The following GALK2 variants were observed in gnomAD, a reference collection of about 807,000 sequenced individuals.
GALK2 encodes N-acetylgalactosamine kinase.
A neutral mutation model predicts 52.4 loss-of-function variants in GALK2; 36 were observed. The ratio of observed to expected loss-of-function variants is 0.69; its 90% CI spans 0.53 to 0.91. GALK2 has a LOEUF of 0.91. GALK2 is among the 40% of genes least tolerant of loss of function. The probability of loss-of-function intolerance (pLI) is 0.00; values close to 1 mark genes in which losing one functional copy is unlikely to be tolerated. For missense variants in GALK2, 579 were observed against 559.1 expected, an observed-to-expected ratio of 1.04 and a Z score of -0.36; for synonymous variants, 176 against 199.1, an observed-to-expected ratio of 0.88 and a Z score of 0.98.
chr15:49,211,678 G>A (rs964249124), intron 2 of GALK2, among the ~76,000 whole-genome samples: 10 of 152,310 alleles, frequency 6.6e-5, no homozygotes, highest in African/African-American at 2.4e-4. Flanking sequence ...TTACAAGCAT[G>A]GTGGAAGACA....
At chr15:49,278,654 GGT>G (rs1452806592) in intron 5 of GALK2, among the ~76,000 whole-genome samples, 3 of 152,168 alleles carry the variant, frequency 2.0e-5, no homozygotes, top group Non-Finnish European at 4.4e-5. Flanking sequence ...ATATGGTGGT[GGT>G]TAAGATTATG....
chr15:49,303,242 G>T (rs2035264137), intron 8 of GALK2, among the ~76,000 whole-genome samples: 1 of 152,102 alleles, frequency 6.6e-6, no homozygotes, highest in African/African-American at 2.4e-5. Context: ...CCTATTCATT[G>T]GTTCACCTTC....
chr15:49,168,312 T>A (rs2084889562), upstream of GALK2, among the ~76,000 whole-genome samples: 1 of 152,266 alleles, frequency 6.6e-6, no homozygotes, highest in Non-Finnish European at 1.5e-5. Flanking sequence ...ACAGTCATTT[T>A]TTTTTAACCC....
exon 4 of GALK2, chr15:49,367,687 T>TTTTA: frequency 1.5e-6 from 2 of 1,290,326 alleles, no homozygotes; most frequent in Non-Finnish European, 2.1e-6. Flanking sequence ...TAACTTCATA[T>TTTTA]TTAGCATAAA....
intron 1 of GALK2, among the ~76,000 whole-genome samples, chr15:49,159,437 C>T (rs2084569433): frequency 1.3e-5 from 2 of 151,848 alleles, no homozygotes; most frequent in Non-Finnish European, 2.9e-5. Flanking sequence ...AAAAATTATC[C>T]AGGCATGGTG....
chr15:49,196,318 G>A (rs2087229227), intron 1 of GALK2, among the ~76,000 whole-genome samples: 1 of 152,028 alleles, frequency 6.6e-6, no homozygotes, highest in South Asian at 2.1e-4. Context: ...TTTATGAGTA[G>A]AGCTTTTAAT....
chr15:49,321,595 GTTATC>G (rs2036876871), intron 9 of GALK2, among the ~76,000 whole-genome samples: 1 of 152,128 alleles, frequency 6.6e-6, no homozygotes, highest in Non-Finnish European at 1.5e-5. Context: ...GTAGGTAAGA[GTTATC>G]TTAGAGTACC....
chr15:49,157,639 G>A (rs1036560157), intron 1 of GALK2, among the ~76,000 whole-genome samples: 10 of 152,094 alleles, frequency 6.6e-5, no homozygotes, highest in African/African-American at 2.4e-4. Context: ...AAAAAACCAT[G>A]GTAAATGAAA....
chr15:49,280,285 G>C (rs1425032150), intron 5 of GALK2, among the ~76,000 whole-genome samples: 2 of 152,336 alleles, frequency 1.3e-5, no homozygotes, highest in African/African-American at 4.8e-5. Context: ...CTGAGGAGGA[G>C]TTATGTGGTA....
At chr15:49,170,194 G>GAA, upstream of GALK2, 2 of 1,487,598 alleles carry the variant, frequency 1.3e-6, no homozygotes, top group Non-Finnish European at 1.8e-6. Flanking sequence ...CGAAGCTGCA[G>GAA]GATTTCCGCA....
chr15:49,366,718 G>A (rs2045267305), intron 3 of GALK2: 8 of 1,205,628 alleles, frequency 6.6e-6, no homozygotes, highest in South Asian at 2.4e-5. Context: ...GTGGCGCGGC[G>A]CGGCTCACTA....
chr15:49,267,921 C>A (rs2092411634), intron 5 of GALK2, among the ~76,000 whole-genome samples: 1 of 151,940 alleles, frequency 6.6e-6, no homozygotes, highest in Non-Finnish European at 1.5e-5. Flanking sequence ...CTGAATGAAG[C>A]AAAAGAAAGT....
intron 8 of GALK2, among the ~76,000 whole-genome samples, chr15:49,315,379 C>A (rs1181280132): frequency 2.6e-5 from 4 of 152,154 alleles, no homozygotes; most frequent in Non-Finnish European, 5.9e-5. Context: ...TTATAGACAG[C>A]TGGAACATCC....
At chr15:49,242,758 G>T (rs1021062067) in intron 5 of GALK2, among the ~76,000 whole-genome samples, 1 of 152,188 alleles carries the variant, frequency 6.6e-6, no homozygotes, top group Non-Finnish European at 1.5e-5. Context: ...TGGTACAAGA[G>T]AGTATGATGT....
intron 5 of GALK2, among the ~76,000 whole-genome samples, chr15:49,258,055 G>T (rs2141602599): frequency 6.6e-6 from 1 of 151,708 alleles, no homozygotes; most frequent in East Asian, 1.9e-4. Context: ...AGTATTGTGA[G>T]GAAAATAAAA....
At chr15:49,206,954 A>G (rs1412355712) in intron 2 of GALK2, among the ~76,000 whole-genome samples, 1 of 152,040 alleles carries the variant, frequency 6.6e-6, no homozygotes, top group Non-Finnish European at 1.5e-5. Flanking sequence ...ACCTCATTCA[A>G]TATTATGTTG....
intron 2 of GALK2, among the ~76,000 whole-genome samples, chr15:49,208,257 T>G (rs1595670040): frequency 6.6e-6 from 1 of 152,250 alleles, no homozygotes; most frequent in East Asian, 1.9e-4. Flanking sequence ...TGTCTGTTTG[T>G]GCTCTTTCAG....
chr15:49,289,779 C>T (rs989922623), intron 7 of GALK2, among the ~76,000 whole-genome samples: 1 of 152,078 alleles, frequency 6.6e-6, no homozygotes, highest in African/African-American at 2.4e-5. Flanking sequence ...GATCACCTTC[C>T]CCTCAAATTC....
upstream of GALK2, among the ~76,000 whole-genome samples, chr15:49,166,504 A>G (rs898836491): frequency 5.3e-5 from 8 of 152,192 alleles, no homozygotes; most frequent in African/African-American, 1.9e-4. Flanking sequence ...GGATGGCCTC[A>G]GTTCAGGAGT....
Sources: allele counts gnomAD v4.1 joint callset (sites outside exome capture counted in the v4.1 genomes callset), GRCh38; gene constraint gnomAD v4.1.1; transcripts MANE v1.5; gene names NCBI Gene and HGNC (gene_info 2026-07-23, HGNC 2026-07-21).